GALK2: variants seen among roughly 807,000 people sequenced by gnomAD.
GALK2 encodes galactokinase 2.
GALK2 carries 36 observed loss-of-function variants against 52.4 expected under a neutral mutation model. That is an observed-to-expected ratio of 0.69 (90% CI 0.53 to 0.91). The LOEUF (loss-of-function observed/expected upper bound fraction) is 0.91, where lower values mean the gene tolerates loss of function less well. Ranked by LOEUF, GALK2 falls within the 40% of genes least tolerant of loss-of-function variation. GALK2 has a pLI of 0.00. For synonymous variants in GALK2, 176 were observed against 199.1 expected (o/e 0.88, Z 0.98); for missense variants, 579 against 559.1 (o/e 1.04, Z -0.36).
At chr15:49,241,046 A>G (rs1489986630) in intron 5 of GALK2, among the ~76,000 whole-genome samples, 1 of 152,186 alleles carries the variant, frequency 6.6e-6, no homozygotes, top group Non-Finnish European at 1.5e-5. Context: ...AATGGGGAAC[A>G]GCAAAGACTC....
intron 2 of GALK2, among the ~76,000 whole-genome samples, chr15:49,203,436 G>C (rs969425397): frequency 1.3e-5 from 2 of 151,924 alleles, no homozygotes; most frequent in Admixed American, 6.6e-5. Flanking sequence ...TTCCTTGTTC[G>C]GTGAATAGTT....
chr15:49,271,987 A>G (rs2030727700), intron 5 of GALK2, among the ~76,000 whole-genome samples: 2 of 152,240 alleles, frequency 1.3e-5, no homozygotes, highest in East Asian at 3.8e-4. Flanking sequence ...CTTATGGTCA[A>G]CTTAATTGTT....
intron 5 of GALK2, among the ~76,000 whole-genome samples, chr15:49,271,479 T>C (rs2030599165): frequency 6.6e-6 from 1 of 152,178 alleles, no homozygotes; most frequent in Non-Finnish European, 1.5e-5. Context: ...AATTTTGGGA[T>C]CCTGGTCTAC....
intron 4 of GALK2, among the ~76,000 whole-genome samples, chr15:49,237,365 A>G (rs192826344): frequency 1.3e-5 from 2 of 152,368 alleles, no homozygotes; most frequent in East Asian, 1.9e-4. Flanking sequence ...TCCTTTTGGC[A>G]TAGAGCTATT....
intron 1 of GALK2, among the ~76,000 whole-genome samples, chr15:49,162,353 T>C (rs575302222): frequency 1.3e-5 from 2 of 152,366 alleles, no homozygotes; most frequent in Middle Eastern, 3.4e-3. Context: ...ATTCATTACA[T>C]GGATATATTA....
intron 6 of GALK2, 142 bp downstream of exon 6, chr15:49,282,227 C>T (rs2032802619): frequency 1.9e-6 from 1 of 515,538 alleles, no homozygotes; most frequent in Non-Finnish European, 3.4e-6. Flanking sequence ...TATTTCCCAA[C>T]TGCTTGTAAC....
intron 3 of GALK2, among the ~76,000 whole-genome samples, chr15:49,227,256 G>A (rs75964626): frequency 1.7e-3 from 257 of 152,242 alleles, no homozygotes; most frequent in African/African-American, 6.0e-3. Flanking sequence ...GTATTGTGCT[G>A]TCTTTCTCCC....
At chr15:49,165,676 A>G (rs1192252907), upstream of GALK2, among the ~76,000 whole-genome samples, 1 of 152,074 alleles carries the variant, frequency 6.6e-6, no homozygotes, top group Non-Finnish European at 1.5e-5. Context: ...TAGATAAAAT[A>G]TATTATTAAA....
chr15:49,317,320 A>G (rs1194983435), intron 8 of GALK2, among the ~76,000 whole-genome samples: 1 of 151,944 alleles, frequency 6.6e-6, no homozygotes, highest in African/African-American at 2.4e-5. Flanking sequence ...GTGCATCATC[A>G]CTGGTCATTA....
chr15:49,309,978 A>G (rs2035859551), intron 8 of GALK2, among the ~76,000 whole-genome samples: 1 of 152,186 alleles, frequency 6.6e-6, no homozygotes, highest in East Asian at 1.9e-4. Context: ...ATAGGACACT[A>G]GAACTTATTC....
chr15:49,178,167 CAA>C (rs376324541), intron 1 of GALK2, among the ~76,000 whole-genome samples: 2,466 of 66,216 alleles, frequency 0.037, 25 homozygotes, highest in African/African-American at 0.095. Context: ...GACTCTGTTT[CAA>C]AAAAAAAAAA....
intron 5 of GALK2, among the ~76,000 whole-genome samples, chr15:49,266,353 G>T (rs887886377): frequency 5.9e-5 from 9 of 152,146 alleles, no homozygotes; most frequent in African/African-American, 2.2e-4. Context: ...GGGTGGAACT[G>T]CAAAGTCACA....
At chr15:49,233,234 T>C (rs1400461097) in intron 3 of GALK2, among the ~76,000 whole-genome samples, 1 of 152,258 alleles carries the variant, frequency 6.6e-6, no homozygotes, top group South Asian at 2.1e-4. Flanking sequence ...CATGTCTACA[T>C]GGCCAGAGCC....
At chr15:49,193,306 C>T (rs1000402334) in intron 1 of GALK2, among the ~76,000 whole-genome samples, 1 of 151,652 alleles carries the variant, frequency 6.6e-6, no homozygotes, top group Non-Finnish European at 1.5e-5. Flanking sequence ...CCTGTTTATA[C>T]CTTTTACACA....
At chr15:49,272,276 A>C (rs992280294) in intron 5 of GALK2, among the ~76,000 whole-genome samples, 2 of 152,238 alleles carry the variant, frequency 1.3e-5, no homozygotes, top group Non-Finnish European at 2.9e-5. Flanking sequence ...TAAGATGTAC[A>C]AAATACCCTG....
At chr15:49,173,492 C>A (rs2085239824) in intron 1 of GALK2, among the ~76,000 whole-genome samples, 1 of 152,094 alleles carries the variant, frequency 6.6e-6, no homozygotes, top group African/African-American at 2.4e-5. Flanking sequence ...GAAAATCCCA[C>A]AGTTTCTTTC....
At chr15:49,265,722 C>T (rs2092336784) in intron 5 of GALK2, among the ~76,000 whole-genome samples, 1 of 152,184 alleles carries the variant, frequency 6.6e-6, no homozygotes. Context: ...TTGCTCCTGC[C>T]CCAGTAGTTC....
In GALK2 at chr15:49,338,121, C is replaced by T. The variant is rs182668668; in HGVS notation, c.426+18316C>T. Among the ~76,000 whole-genome samples, 14 of 152,246 alleles carry T rather than the reference C, an allele frequency of 9.2e-5. No homozygotes were observed. In the East Asian group the frequency reaches 2.7e-3, roughly 29 times the overall value. On this transcript the variant is annotated intron_variant, in intron 3 of 3. Transcript: ENST00000558399. ...GTGTCTTTTAATTGGGGGCATTTAG[C>T]CCATTTACATTTAAGGTTAATATTG... is the stretch of plus-strand genomic sequence containing the variant.
At chr15:49,192,497 A>ATATATATATATATG (rs2086828385) in intron 1 of GALK2, among the ~76,000 whole-genome samples, 3 of 80,736 alleles carry the variant, frequency 3.7e-5, no homozygotes, top group African/African-American at 8.6e-5. Flanking sequence ...ATATATATAT[A>ATATATATATATATG]TATATATATA....
Sources: gnomAD v4.1 joint callset for allele counts (sites outside exome capture counted in the v4.1 genomes callset) on GRCh38, gnomAD v4.1.1 for gene constraint, MANE v1.5 for transcripts, NCBI Gene and HGNC (gene_info 2026-07-23, HGNC 2026-07-21) for gene names.